MED27: variants seen among roughly 807,000 people sequenced by gnomAD.
The protein encoded by MED27 is mediator complex subunit 27, also known as mediator of RNA polymerase II transcription subunit 27.
In MED27, 30 loss-of-function variants were observed where a neutral mutation model predicts 38.2. The ratio of observed to expected loss-of-function variants is 0.79; its 90% CI spans 0.59 to 1.07. The LOEUF (loss-of-function observed/expected upper bound fraction) is 1.07. MED27 is among the 50% of genes least tolerant of loss of function. The pLI is 0.00. For missense variants in MED27, 289 were observed against 397.5 expected (o/e 0.73, Z 2.32); for synonymous variants, 122 against 153.5 (o/e 0.79, Z 1.52).
chr9:131,953,779 T>A (rs1831043081), intron 3 of MED27, among the ~76,000 whole-genome samples: 1 of 151,876 alleles, frequency 6.6e-6, no homozygotes, highest in Admixed American at 6.6e-5. Flanking sequence ...ATTGTGGGGT[T>A]TTTTTTCCCC....
chr9:131,906,006 G>C (rs1359218902), intron 4 of MED27, among the ~76,000 whole-genome samples: 1 of 152,150 alleles, frequency 6.6e-6, no homozygotes, highest in African/African-American at 2.4e-5. Flanking sequence ...TACAGACATA[G>C]AAATTGCAAA....
At position 131,860,742 on chromosome 9, in the gene MED27, A is replaced by T; in HGVS notation, c.802-70T>A. ...TGCTCCCAAAGTCCTCCTTCCTATC[A>T]AGCCTAATGGCCCAGACAACTTAAG... On this transcript the variant is annotated intron_variant, in intron 7 of 7. Coordinates refer to ENST00000292035, the MANE Select transcript of MED27 (RefSeq NM_004269.4). This position sits in a 1 kb window ranked among gnomAD's most constrained non-coding sequence, Gnocchi z 5.8. 6.4e-7 allele frequency: 1 copy of T among 1,559,448 alleles called. No individual in the cohort carries two copies. The highest frequency in any genetic ancestry group is 8.7e-7 in the Non-Finnish European group (1 of 1,144,848).
In MED27 at chr9:131,982,503, T is replaced by C. The variant is rs989173188; in HGVS notation, c.479+31834A>G. 6.6e-6 allele frequency among the ~76,000 whole-genome samples: 1 copy of C among 152,242 alleles called. No individual in the cohort carries two copies. The highest frequency in any genetic ancestry group is 1.5e-5 in the Non-Finnish European group (1 of 68,044). ...TGTTGTAAGTAGCCAAGTTTTGTCA[T>C]GGTTTGCTATGAGGCAGACGATAAA... On this transcript the variant is annotated intron_variant, in intron 3 of 7. Transcript: ENST00000292035. The surrounding 1 kb of genome is among the most constrained non-coding windows in gnomAD (Gnocchi z 4.3).
chr9:132,065,226 C>A (rs1833783191), intron 2 of MED27, among the ~76,000 whole-genome samples: 1 of 152,168 alleles, frequency 6.6e-6, no homozygotes, highest in Non-Finnish European at 1.5e-5. Flanking sequence ...CGTATAGCGG[C>A]ATCAAGAGAG....
chr9:131,989,178 A>G (rs1831917805), intron 3 of MED27, among the ~76,000 whole-genome samples: 1 of 152,224 alleles, frequency 6.6e-6, no homozygotes, highest in African/African-American at 2.4e-5. Flanking sequence ...CTATTTGTAG[A>G]TGAAGAAACT....
chr9:131,943,991 C>T (rs1830835411), intron 3 of MED27, among the ~76,000 whole-genome samples: 1 of 152,126 alleles, frequency 6.6e-6, no homozygotes, highest in African/African-American at 2.4e-5. Context: ...TTTGCCCTAG[C>T]TGCGGTAAGA....
chr9:132,045,826 C>T (rs908290528), intron 2 of MED27, among the ~76,000 whole-genome samples: 2 of 152,170 alleles, frequency 1.3e-5, no homozygotes, highest in African/African-American at 4.8e-5. Flanking sequence ...AAGAAGTGAA[C>T]AAAATGTTAT....
intron 2 of MED27, among the ~76,000 whole-genome samples, chr9:132,042,438 G>A (rs1338951024): frequency 2.6e-5 from 4 of 151,984 alleles, no homozygotes; most frequent in African/African-American, 9.7e-5. Context: ...AGGCAAAAAG[G>A]AAGTGCCAAG....
chr9:132,061,883 T>C (rs1314950113), intron 2 of MED27, among the ~76,000 whole-genome samples: 4 of 152,204 alleles, frequency 2.6e-5, no homozygotes, highest in African/African-American at 4.8e-5. Context: ...TCAGGATAAT[T>C]TACCTTCTGT....
At chr9:131,967,020 T>A (rs962042850) in intron 3 of MED27, among the ~76,000 whole-genome samples, 1 of 152,274 alleles carries the variant, frequency 6.6e-6, no homozygotes, top group Non-Finnish European at 1.5e-5. Flanking sequence ...ACTATTTCAC[T>A]CACAGCATCG....
intron 3 of MED27, among the ~76,000 whole-genome samples, chr9:131,940,732 T>C (rs1309614587): frequency 6.6e-6 from 1 of 152,208 alleles, no homozygotes; most frequent in Non-Finnish European, 1.5e-5. Flanking sequence ...TGCCTTTTCA[T>C]TTGATTAGTT....
chr9:131,980,213 G>C lies in MED27; in HGVS notation c.479+34124C>G, dbSNP rs190106770. On this transcript the variant is annotated intron_variant, in intron 3 of 7. Coordinates refer to ENST00000292035, the MANE Select transcript of MED27 (RefSeq NM_004269.4). ...TGGGAAAATGGGAGGCGGGTGGCGG[G>C]GGGGAGAGGGAGGAAAGTGAGGTGC... is the stretch of plus-strand genomic sequence containing the variant. Among the ~76,000 whole-genome samples, 79 of 151,848 alleles carry C rather than the reference G, an allele frequency of 5.2e-4. 1 individual carries two copies. Among genetic ancestry groups the C allele is most frequent in the African/African-American group, 1.7e-3 (70 of 41,422 alleles).
chr9:131,959,971 C>A (rs1831181284), intron 3 of MED27, among the ~76,000 whole-genome samples: 1 of 151,994 alleles, frequency 6.6e-6, no homozygotes, highest in Non-Finnish European at 1.5e-5. Context: ...TTAACAAGAA[C>A]CCCAGGAAAC....
At chr9:132,052,354 C>T (rs1310690357) in intron 2 of MED27, among the ~76,000 whole-genome samples, 2 of 152,182 alleles carry the variant, frequency 1.3e-5, no homozygotes, top group Admixed American at 1.3e-4. Flanking sequence ...CAGTAGTGAT[C>T]TATTAGTTAT....
chr9:131,921,879 T>C (rs1430343945), intron 4 of MED27, among the ~76,000 whole-genome samples: 2 of 152,106 alleles, frequency 1.3e-5, no homozygotes, highest in African/African-American at 4.8e-5. Flanking sequence ...TGTAGGGACA[T>C]GGATGAAGCT....
chr9:131,986,872 C>T (rs914868398), intron 3 of MED27, among the ~76,000 whole-genome samples: 5 of 152,082 alleles, frequency 3.3e-5, no homozygotes, highest in Admixed American at 2.6e-4. Context: ...GGGTTTGGCA[C>T]GTAACAGGCA....
chr9:131,882,363 T>C (rs1362394990), intron 6 of MED27, among the ~76,000 whole-genome samples: 1 of 152,174 alleles, frequency 6.6e-6, no homozygotes, highest in Non-Finnish European at 1.5e-5. Context: ...TAAGGAAATG[T>C]TTTAGAACCA....
intron 3 of MED27, among the ~76,000 whole-genome samples, chr9:131,968,220 C>T (rs112285903): frequency 0.018 from 2,738 of 152,074 alleles, 69 homozygotes; most frequent in African/African-American, 0.063. Context: ...TGCCTGTAAT[C>T]CCACCACTCT....
At chr9:131,964,695 G>A (rs922524734) in intron 3 of MED27, among the ~76,000 whole-genome samples, 14 of 152,196 alleles carry the variant, frequency 9.2e-5, no homozygotes, top group Non-Finnish European at 1.8e-4. Flanking sequence ...CCAAGGACGT[G>A]CAATTCTTAT....
Sources: allele counts gnomAD v4.1 joint callset (sites outside exome capture counted in the v4.1 genomes callset), GRCh38; gene constraint gnomAD v4.1.1; non-coding constraint Gnocchi (gnomAD v3.1); transcripts MANE v1.5; gene names NCBI Gene and HGNC (gene_info 2026-07-23, HGNC 2026-07-21).